The following MAPK8 variants were observed in gnomAD, a reference collection of about 807,000 sequenced individuals.
The protein encoded by MAPK8 is JUN N-terminal kinase.
MAPK8 carries 13 observed loss-of-function variants against 52.9 expected under a neutral mutation model. That is an observed-to-expected ratio of 0.25 (90% CI 0.16 to 0.39). The LOEUF (loss-of-function observed/expected upper bound fraction) is 0.39, where lower values mean the gene tolerates loss of function less well. Ranked by LOEUF, MAPK8 falls within the 10% of genes least tolerant of loss-of-function variation. The probability of loss-of-function intolerance (pLI) is 1.00; values close to 1 mark genes in which losing one functional copy is unlikely to be tolerated. For synonymous variants in MAPK8, 191 were observed against 169.8 expected (o/e 1.12, Z -0.97); for missense variants, 300 against 519.2 (o/e 0.58, Z 4.10).
intron 1 of MAPK8, among the ~76,000 whole-genome samples, chr10:48,383,842 A>C (rs973417002): frequency 4.6e-5 from 7 of 152,286 alleles, no homozygotes; most frequent in African/African-American, 1.4e-4. Context: ...TATTGCCCTA[A>C]GTAGTTGTTA....
At chr10:48,314,690 G>A (rs1390950510) in intron 1 of MAPK8, among the ~76,000 whole-genome samples, 1 of 152,092 alleles carries the variant, frequency 6.6e-6, no homozygotes, top group Non-Finnish European at 1.5e-5. Flanking sequence ...ACCCTTAGAC[G>A]TCTTTCATCT....
chr10:48,431,260 C>G lies in MAPK8; in HGVS notation c.1128C>G (p.Pro376=). The G allele has an allele frequency of 1.9e-6, 3 of 1,610,448 alleles. No homozygotes were observed. Among genetic ancestry groups the G allele is most frequent in the South Asian group, 2.2e-5 (2 of 90,926 alleles). Residue 376 remains proline (P), a synonymous_variant, in exon 11 of 12, where the codon CCC becomes CCG. Coordinates refer to ENST00000374189, the MANE Select transcript of MAPK8 (RefSeq NM_001323329.2). ...AGAATGGAGTTATACGGGGGCAGCC[C>G]TCTCCTTTAGGTTGGTTACAATATA... The part of the protein sequence containing the change: ...RTKNGVIRGQ[P]SPLGAAVING...
At position 48,434,919 on chromosome 10, in the gene MAPK8, T is replaced by G. The variant is rs749073014; in HGVS notation, c.1174T>G (p.Ser392Ala). ...AVINGSQHPS[S>A]SSSVNDVSSM... ...GATCAATGGCTCTCAGCATCCATCATCATCGTCGTCTGTCAATGATGTGTC... is the reference window on the plus strand; with the variant it reads ...GATCAATGGCTCTCAGCATCCATCAGCATCGTCGTCTGTCAATGATGTGTC... The change falls in exon 12 of 12, where the codon TCA becomes GCA. Residue 392 changes from serine (S) to alanine (A), a missense_variant. Physicochemically the swap from Ser to Ala is moderately conservative, Grantham distance 99 (BLOSUM62 1). Around this residue, in one of 3 missense-constraint regions of MAPK8, gnomAD observed 119 missense variants for 154.4 expected, o/e 0.77. Coordinates refer to ENST00000374189, the MANE Select transcript of MAPK8 (RefSeq NM_001323329.2). 3.7e-6 allele frequency: 6 copies of G among 1,613,580 alleles called. No individual in the cohort carries two copies. In the South Asian group the frequency reaches 6.6e-5, roughly 18 times the overall value.
Position 48,403,917 on chromosome 10 carries a change from T to TTGTGTGTGTGTGTG in MAPK8, c.123-907_123-894dup, listed in dbSNP as rs71465463. Among the ~76,000 whole-genome samples the TTGTGTGTGTGTGTG allele has an allele frequency of 6.8e-3, 850 of 125,722 alleles. 12 individuals are homozygous for TTGTGTGTGTGTGTG. Among genetic ancestry groups the TTGTGTGTGTGTGTG allele is most frequent in the African/African-American group, 0.024 (750 of 31,482 alleles). 82.5% of individuals were successfully genotyped at this position (125,722 alleles called of 152,430 possible). On this transcript the variant is annotated intron_variant, in intron 2 of 11. Coordinates refer to ENST00000374189, the MANE Select transcript of MAPK8 (RefSeq NM_001323329.2). ...GTGCCTGCCACCACGCCCGGCTAAT[T>TTGTGTGTGTGTGTG]TGTGTGTGTGTGTGTGTGTGTGTGT...
At chr10:48,417,952 CTT>C (rs2043152561) in intron 5 of MAPK8, among the ~76,000 whole-genome samples, 1 of 152,152 alleles carries the variant, frequency 6.6e-6, no homozygotes, top group Admixed American at 6.5e-5. Context: ...GTTCAACAAA[CTT>C]TTTCTGTCAA....
chr10:48,388,039 C>CT (rs529995437), intron 1 of MAPK8, among the ~76,000 whole-genome samples: 76 of 152,240 alleles, frequency 5.0e-4, no homozygotes, highest in African/African-American at 1.8e-3. Flanking sequence ...TGGAGAGTGA[C>CT]TAAGCTAGAC....
rs192176024 is a variant in MAPK8 at position 48,429,254 on chromosome 10, C to T, written c.1061-1939C>T. Among the ~76,000 whole-genome samples, 393 of 152,268 alleles carry T rather than the reference C, an allele frequency of 2.6e-3. 1 individual carries two copies. The highest frequency in any genetic ancestry group is 4.5e-3 in the Non-Finnish European group (304 of 68,038). ...GAAAAAAACACCTTCGGTTGTACAG[C>T]ACCATTGGTTATAAGATATAGTCAA... On this transcript the variant is annotated intron_variant, in intron 10 of 11. Transcript: ENST00000374189.
rs751699889 is a variant in MAPK8, at chr10:48,404,836, G to C, written c.123-16G>C. 13 of 1,577,938 alleles carry C rather than the reference G, an allele frequency of 8.2e-6. No homozygotes were observed. Among genetic ancestry groups the C allele is most frequent in the Non-Finnish European group, 1.1e-5 (13 of 1,164,304 alleles). On this transcript the variant is annotated splice_polypyrimidine_tract_variant and intron_variant, in intron 2 of 11. Coordinates refer to ENST00000374189, the MANE Select transcript of MAPK8 (RefSeq NM_001323329.2). ...GCTTGAAGTTTTTTTGTGTGTTTTTGAATTTCTTATTACAGCGCAGCTTAT... is the reference window on the plus strand; with the variant it reads ...GCTTGAAGTTTTTTTGTGTGTTTTTCAATTTCTTATTACAGCGCAGCTTAT...
intron 1 of MAPK8, among the ~76,000 whole-genome samples, chr10:48,314,678 T>C (rs1186316953): frequency 6.6e-6 from 1 of 152,212 alleles, no homozygotes; most frequent in African/African-American, 2.4e-5. Flanking sequence ...CTGCTTCTTA[T>C]TACCCTTAGA....
chr10:48,380,018 C>CG (rs2040899028), intron 1 of MAPK8, among the ~76,000 whole-genome samples: 1 of 148,926 alleles, frequency 6.7e-6, no homozygotes, highest in Non-Finnish European at 1.5e-5. Context: ...CTGAGGTGAG[C>CG]GGATCATGAG....
At chr10:48,347,629 A>G (rs999407538) in intron 1 of MAPK8, among the ~76,000 whole-genome samples, 1 of 152,144 alleles carries the variant, frequency 6.6e-6, no homozygotes, top group Admixed American at 6.5e-5. Context: ...CTCCCACATA[A>G]GAGTGAGAAC....
intron 1 of MAPK8, among the ~76,000 whole-genome samples, chr10:48,377,374 A>G (rs1380554722): frequency 6.6e-6 from 1 of 151,346 alleles, no homozygotes; most frequent in Non-Finnish European, 1.5e-5. Flanking sequence ...AAAAAAATAC[A>G]TTTCTTGGAC....
At chr10:48,397,014 G>A (rs545703872) in intron 1 of MAPK8, among the ~76,000 whole-genome samples, 1 of 152,284 alleles carries the variant, frequency 6.6e-6, no homozygotes, top group Non-Finnish European at 1.5e-5. Flanking sequence ...CTTTCACCCA[G>A]CAACAGCATT....
chr10:48,378,255 T>G (rs1253592777), intron 1 of MAPK8, among the ~76,000 whole-genome samples: 1 of 152,152 alleles, frequency 6.6e-6, no homozygotes, highest in African/African-American at 2.4e-5. Context: ...GTGAGGAATT[T>G]TAAGAGTTCC....
chr10:48,369,449 AT>A (rs1848354450), intron 1 of MAPK8, among the ~76,000 whole-genome samples: 1 of 152,164 alleles, frequency 6.6e-6, no homozygotes, highest in South Asian at 2.1e-4. Flanking sequence ...CGAAGAATTT[AT>A]TTTTGTGCAC....
Position 48,435,056 on chromosome 10 carries a change from G to GGGC in MAPK8, c.*28_*29insGCG. On this transcript the variant is annotated 3_prime_UTR_variant, in exon 12 of 12. Coordinates refer to ENST00000374189, the MANE Select transcript of MAPK8 (RefSeq NM_001323329.2). ...TACTTGGGCCATCGGGGGGTGGGAG[G>GGGC]GATGGGGAGTCGGTTAGTCATTGAT... The GGGC allele has an allele frequency of 8.2e-7, 1 of 1,214,558 alleles. No homozygotes were observed. Among genetic ancestry groups the GGGC allele is most frequent in the Non-Finnish European group, 1.1e-6 (1 of 870,324 alleles). The allele number at this position is 1,214,558 out of a possible 1,614,324, so 75.2% of individuals were successfully genotyped here. A position where few individuals can be genotyped will look rare whatever the true frequency, so the allele number is the denominator to read the frequency against.
intron 5 of MAPK8, among the ~76,000 whole-genome samples, chr10:48,414,695 C>T (rs1176266150): frequency 6.6e-6 from 1 of 151,020 alleles, no homozygotes. Flanking sequence ...CCCACTTCAG[C>T]CTCCCAAGTA....
chr10:48,383,889 G>A (rs2041158025), intron 1 of MAPK8, among the ~76,000 whole-genome samples: 1 of 152,164 alleles, frequency 6.6e-6, no homozygotes, highest in Admixed American at 6.5e-5. Context: ...CATGAAATAT[G>A]TAGAAAAAAT....
intron 1 of MAPK8, among the ~76,000 whole-genome samples, chr10:48,379,275 G>A (rs549841302): frequency 6.6e-6 from 1 of 152,256 alleles, no homozygotes; most frequent in African/African-American, 2.4e-5. Context: ...TTCTTGTAAG[G>A]GAACAGTATA....
Sources: allele counts gnomAD v4.1 joint callset (sites outside exome capture counted in the v4.1 genomes callset), GRCh38; gene constraint gnomAD v4.1.1; regional missense constraint gnomAD v4.1.1; transcripts MANE v1.5; gene names NCBI Gene and HGNC (gene_info 2026-07-23, HGNC 2026-07-21).